The following DIDO1 variants were observed in gnomAD, a reference collection of about 807,000 sequenced individuals.
The protein encoded by DIDO1 is death-inducer obliterator 1.
Under a neutral mutation model 99.4 loss-of-function variants are expected in DIDO1, and 16 were observed. That is an observed-to-expected ratio of 0.16 (90% CI 0.11 to 0.24). The LOEUF (loss-of-function observed/expected upper bound fraction) is 0.24, where lower values mean the gene tolerates loss of function less well. Among genes scored for constraint, DIDO1 ranks in the 10% least tolerant of loss-of-function variants. DIDO1 has a pLI of 1.00. For missense variants in DIDO1, 2,996 were observed against 3,014.0 expected (o/e 0.99, Z 0.14); for synonymous variants, 1,366 against 1,239.1 (o/e 1.10, Z -2.15).
intron 6 of DIDO1, among the ~76,000 whole-genome samples, chr20:62,897,811 CG>C (rs2064571180): frequency 6.6e-6 from 1 of 152,206 alleles, no homozygotes. Flanking sequence ...AGGGGACAGA[CG>C]GCGTGCCAGG....
chr20:62,895,459 T>TA lies in DIDO1; in HGVS notation c.2215-295dup, dbSNP rs11086145. Among the ~76,000 whole-genome samples the TA allele has an allele frequency of 4.8e-4, 73 of 150,764 alleles. 1 individual carries two copies. The highest frequency in any genetic ancestry group is 1.8e-3 in the East Asian group (9 of 5,126). On this transcript the variant is annotated intron_variant, in intron 8 of 15. Coordinates refer to ENST00000395343, the MANE Select transcript of DIDO1 (RefSeq NM_001193369.2). ...ACGGCCTGTGCTGCACTGGCTCTGC[T>TA]AAAAAAAAAACAACACACAACACCT... is the stretch of plus-strand genomic sequence containing the variant.
Position 62,878,056 on chromosome 20 carries a change from C to A in DIDO1, c.*1177G>T, listed in dbSNP as rs573417386. 1 of 152,140 alleles carries A rather than the reference C, an allele frequency of 6.6e-6. No individual in the cohort carries two copies. Among genetic ancestry groups the A allele is most frequent in the Non-Finnish European group, 1.5e-5 (1 of 68,024 alleles). 9.4% of individuals were successfully genotyped at this position (152,140 alleles called of 1,614,324 possible). A position where few individuals can be genotyped will look rare whatever the true frequency, so the allele number is the denominator to read the frequency against. ...TGATACATTCTCAATGTTTTCTTAA[C>A]TTAAAAAATCTGTGCTATAAAGTGA... On this transcript the variant is annotated 3_prime_UTR_variant, in exon 16 of 16. Transcript: ENST00000395343.
intron 6 of DIDO1, chr20:62,905,093 T>G (rs901923698): frequency 2.0e-6 from 2 of 994,672 alleles, no homozygotes. Flanking sequence ...AAAGATCTGT[T>G]TGAAATATCT....
intron 1 of DIDO1, among the ~76,000 whole-genome samples, chr20:62,914,715 C>T (rs1200503152): frequency 3.3e-5 from 5 of 152,192 alleles, no homozygotes; most frequent in African/African-American, 4.8e-5. Flanking sequence ...AGTCGCCAAG[C>T]ATCAGCTTCT....
intron 15 of DIDO1, 53 bp downstream of exon 15, chr20:62,890,907 G>A (rs555926108): frequency 1.4e-5 from 22 of 1,612,176 alleles, no homozygotes; most frequent in African/African-American, 8.0e-5. Context: ...TCAGTGGGAG[G>A]AGGGGTGCAG....
chr20:62,922,027 T>G (rs2065151924), intron 1 of DIDO1, among the ~76,000 whole-genome samples: 1 of 142,998 alleles, frequency 7.0e-6, no homozygotes, highest in South Asian at 2.1e-4. Context: ...ACAATATATA[T>G]CCACACGATA....
chr20:62,910,675 C>G, intron 3 of DIDO1, 99 bp downstream of exon 3: 1 of 1,343,300 alleles, frequency 7.4e-7, no homozygotes, highest in South Asian at 1.4e-5. Flanking sequence ...TCCAACAAAT[C>G]GCTCATCCAG....
chr20:62,929,692 A>AATATATATATAT, upstream of DIDO1, among the ~76,000 whole-genome samples: 10 of 63,710 alleles, frequency 1.6e-4, no homozygotes, highest in South Asian at 5.6e-4. Context: ...AAAAAGAAAA[A>AATATATATATAT]GTGTATATAT....
At chr20:62,931,904 T>C (rs2065335627) in intron 1 of DIDO1, among the ~76,000 whole-genome samples, 1 of 152,216 alleles carries the variant, frequency 6.6e-6, no homozygotes, top group Non-Finnish European at 1.5e-5. Context: ...TGAATAACTA[T>C]ATAAATTAAT....
In DIDO1 at chr20:62,891,140, G is replaced by A. The variant is rs374824742; in HGVS notation, c.3361C>T (p.Arg1121Cys). The A allele has an allele frequency of 2.5e-6, 4 of 1,613,970 alleles. No homozygotes were observed. The highest frequency in any genetic ancestry group is 2.2e-5 in the East Asian group (1 of 44,888). ...TCTTCCTCTGTGGCGGGGTGGAAGCGGATCAGACAGAGCTCCTGCAATGGA... is the reference window on the plus strand; with the variant it reads ...TCTTCCTCTGTGGCGGGGTGGAAGCAGATCAGACAGAGCTCCTGCAATGGA... Reference protein sequence around the residue: ...SSVSKELCLIRFHPATEEEEV... With the variant: ...SSVSKELCLICFHPATEEEEV... The change falls in exon 15 of 16, where the codon CGC (arginine) becomes TGC (cysteine). Residue 1121 changes from arginine (R) to cysteine (C), a missense_variant. Arg to Cys is a radical substitution (Grantham distance 180, BLOSUM62 -3). Transcript: ENST00000395343.
chr20:62,917,166 T>A (rs899686523), intron 1 of DIDO1, among the ~76,000 whole-genome samples: 1 of 152,094 alleles, frequency 6.6e-6, no homozygotes, highest in Admixed American at 6.5e-5. Flanking sequence ...TAGCTGGGAC[T>A]ACAGGTGCAT....
In DIDO1 at chr20:62,881,126, C is replaced by T. The variant is rs1382408202; in HGVS notation, c.4830G>A (p.Glu1610=). The change falls in exon 16 of 16, where the codon GAG becomes GAA. Residue 1610 remains glutamate (E), a synonymous_variant. Transcript: ENST00000395343. This position sits in a 1 kb window ranked among gnomAD's most constrained non-coding sequence, Gnocchi z 8.3. ...LVGQAPMPVP[E]EKEPASSPWA... is the part of the protein sequence containing the mutation. The stretch of plus-strand genomic sequence containing the variant: ...AGGGGGAAGAGGCTGGCTCTTTTTC[C>T]TCCGGGACTGGCATGGGCGCCTGGC... The T allele has an allele frequency of 3.7e-6, 6 of 1,608,942 alleles. No homozygotes were observed. Among genetic ancestry groups the T allele is most frequent in the African/African-American group, 2.7e-5 (2 of 74,906 alleles).
At chr20:62,883,219 C>T (rs1342963349) in intron 15 of DIDO1, among the ~76,000 whole-genome samples, 1 of 151,848 alleles carries the variant, frequency 6.6e-6, no homozygotes, top group African/African-American at 2.4e-5. Context: ...CCACCGCACC[C>T]GGACCCCTTT....
Position 62,909,803 on chromosome 20 carries a change from T to G in DIDO1, c.1057A>C (p.Ile353Leu). ...CTAGACTTCTGCTCTATTGTTCCTA[T>G]ACTTGTACAATCGGTGCCATCAGCA... The part of the protein sequence containing the change: ...GDADGTDCTS[I>L]GTIEQKSSED... Residue 353 changes from isoleucine (I) to leucine (L), a missense_variant, in exon 4 of 16, where the codon ATA becomes CTA. Physicochemically the swap from Ile to Leu is conservative, Grantham distance 5. Around this residue, in one of 5 missense-constraint regions of DIDO1, gnomAD observed 898 missense variants for 972.7 expected, o/e 0.92. Transcript: ENST00000395343. 6.2e-7 allele frequency: 1 copy of G among 1,614,264 alleles called. No individual in the cohort carries two copies. Among genetic ancestry groups the G allele is most frequent in the Non-Finnish European group, 8.5e-7 (1 of 1,180,048 alleles).
At chr20:62,893,632 T>C (rs1188147120) in intron 12 of DIDO1, 34 bp downstream of exon 12, 1 of 1,515,482 alleles carries the variant, frequency 6.6e-7, no homozygotes, top group East Asian at 2.3e-5. Flanking sequence ...AAAAAAAAAG[T>C]TTGGCTTGTT....
intron 6 of DIDO1, among the ~76,000 whole-genome samples, chr20:62,904,710 G>A (rs946624533): frequency 1.4e-5 from 2 of 148,054 alleles, no homozygotes; most frequent in Non-Finnish European, 3.0e-5. Context: ...GAACCCGGAG[G>A]TGGAGCTTGC....
chr20:62,888,993 C>T, intron 15 of DIDO1: 1 of 985,504 alleles, frequency 1.0e-6, no homozygotes, highest in Non-Finnish European at 1.2e-6. Flanking sequence ...GACGCCTCTG[C>T]TCTTTATCGT....
At chr20:62,924,682 C>T (rs529888420) in intron 1 of DIDO1, among the ~76,000 whole-genome samples, 100 of 152,336 alleles carry the variant, frequency 6.6e-4, no homozygotes, top group Admixed American at 1.3e-3. Flanking sequence ...ATGATCCGCA[C>T]GTCCTAGACA....
chr20:62,880,543 C>G lies in DIDO1; in HGVS notation c.5413G>C (p.Gly1805Arg), dbSNP rs921500416. The G allele has an allele frequency of 6.2e-7, 1 of 1,612,876 alleles. No individual in the cohort carries two copies. The highest frequency in any genetic ancestry group is 1.1e-5 in the South Asian group (1 of 91,094). ...CCCGAGAATAAGGAAGGGATGGGCCCCTTCTGGGCTCCGAATCTGGCTGGC... is the reference window on the plus strand; with the variant it reads ...CCCGAGAATAAGGAAGGGATGGGCCGCTTCTGGGCTCCGAATCTGGCTGGC... ...PPPARFGAQK[G>R]PIPSLFSGQH... The change falls in exon 16 of 16, where the codon GGG becomes CGG. Residue 1805 changes from glycine (G) to arginine (R), a missense_variant. Gly to Arg is a moderately radical substitution (Grantham distance 125). Transcript: ENST00000395343.
Sources: gnomAD v4.1 joint callset for allele counts (sites outside exome capture counted in the v4.1 genomes callset) on GRCh38, gnomAD v4.1.1 for gene constraint, gnomAD v4.1.1 regional missense constraint, Gnocchi (gnomAD v3.1) non-coding constraint, MANE v1.5 for transcripts, NCBI Gene and HGNC (gene_info 2026-07-23, HGNC 2026-07-21) for gene names.